Variants in RSPO2 observed in about 807,000 individuals in gnomAD.
RSPO2 encodes R-spondin-2.
In RSPO2, 14 loss-of-function variants were observed where a neutral mutation model predicts 30.9. That is an observed-to-expected ratio of 0.45 (90% CI 0.30 to 0.71). RSPO2 has a LOEUF of 0.71. Ranked by LOEUF, RSPO2 falls within the 30% of genes least tolerant of loss-of-function variation. The pLI is 0.08. For synonymous variants in RSPO2, 107 were observed against 96.4 expected (o/e 1.11, Z -0.64); for missense variants, 264 against 301.9 (o/e 0.87, Z 0.93).
At chr8:108,011,288 G>A (rs1810704564) in intron 2 of RSPO2, among the ~76,000 whole-genome samples, 1 of 151,944 alleles carries the variant, frequency 6.6e-6, no homozygotes, top group African/African-American at 2.4e-5. Context: ...CCATAGGTAT[G>A]GTCTTAGGAC....
intron 2 of RSPO2, among the ~76,000 whole-genome samples, chr8:108,009,549 A>C (rs1407347758): frequency 6.6e-6 from 1 of 152,222 alleles, no homozygotes; most frequent in African/African-American, 2.4e-5. Context: ...CATGTGATTA[A>C]ATAATATTTG....
chr8:107,951,649 T>C (rs1344993670), intron 5 of RSPO2, among the ~76,000 whole-genome samples: 3 of 152,098 alleles, frequency 2.0e-5, no homozygotes, highest in Non-Finnish European at 4.4e-5. Flanking sequence ...CCAGACTACA[T>C]TGAAATGGGG....
chr8:108,015,297 A>T (rs1463490208), intron 2 of RSPO2, among the ~76,000 whole-genome samples: 1 of 152,172 alleles, frequency 6.6e-6, no homozygotes, highest in Non-Finnish European at 1.5e-5. Flanking sequence ...AGGTTATGTA[A>T]ATGTCAATAG....
chr8:108,031,513 G>A (rs770460629), intron 2 of RSPO2, among the ~76,000 whole-genome samples: 4 of 152,078 alleles, frequency 2.6e-5, no homozygotes, highest in Admixed American at 6.6e-5. Context: ...AAAACTTTAC[G>A]TTTGCAAAAG....
chr8:107,943,758 A>C (rs1191647039), intron 5 of RSPO2, among the ~76,000 whole-genome samples: 1 of 152,248 alleles, frequency 6.6e-6, no homozygotes, highest in African/African-American at 2.4e-5. Flanking sequence ...AATGCAACAG[A>C]CACTTGACAT....
At chr8:107,912,497 G>A (rs919862972) in intron 5 of RSPO2, among the ~76,000 whole-genome samples, 1 of 152,138 alleles carries the variant, frequency 6.6e-6, no homozygotes, top group East Asian at 1.9e-4. Flanking sequence ...TTATCTTTAT[G>A]TTCTGGCCAA....
intron 2 of RSPO2, among the ~76,000 whole-genome samples, chr8:108,030,403 A>T (rs1232158966): frequency 6.6e-6 from 1 of 152,172 alleles, no homozygotes. Flanking sequence ...CCTGCCTGGT[A>T]TCTGTAATGT....
At chr8:107,923,704 G>A (rs1042782345) in intron 5 of RSPO2, among the ~76,000 whole-genome samples, 3 of 152,106 alleles carry the variant, frequency 2.0e-5, no homozygotes, top group Non-Finnish European at 2.9e-5. Flanking sequence ...TAAAGAAAAT[G>A]TAGTACATAT....
At chr8:107,975,046 A>G (rs1814162044) in intron 3 of RSPO2, among the ~76,000 whole-genome samples, 1 of 152,202 alleles carries the variant, frequency 6.6e-6, no homozygotes, top group African/African-American at 2.4e-5. Flanking sequence ...AAATAAAAGA[A>G]CCACCTGATT....
intron 3 of RSPO2, chr8:107,983,559 G>C: frequency 1.2e-6 from 2 of 1,600,804 alleles, no homozygotes; most frequent in Non-Finnish European, 1.7e-6. Context: ...TTCAGCAAAA[G>C]AGTGAGCCAG....
chr8:107,999,010 T>TA (rs1422372956), intron 2 of RSPO2, among the ~76,000 whole-genome samples: 2 of 152,152 alleles, frequency 1.3e-5, no homozygotes, highest in Non-Finnish European at 2.9e-5. Flanking sequence ...TGCGCCACTG[T>TA]ACTCCAGTCA....
intron 5 of RSPO2, among the ~76,000 whole-genome samples, chr8:107,953,268 C>G (rs1375837379): frequency 6.6e-6 from 1 of 152,168 alleles, no homozygotes; most frequent in African/African-American, 2.4e-5. Flanking sequence ...CCACACAAGG[C>G]AGTCTCCTCT....
At chr8:107,938,105 T>G (rs755594533) in intron 5 of RSPO2, among the ~76,000 whole-genome samples, 6 of 152,150 alleles carry the variant, frequency 3.9e-5, no homozygotes, top group Non-Finnish European at 7.4e-5. Context: ...GGATAAAACA[T>G]TCTACAAAAT....
At chr8:107,902,010 G>C (rs1811489123) in intron 5 of RSPO2, among the ~76,000 whole-genome samples, 1 of 151,992 alleles carries the variant, frequency 6.6e-6, no homozygotes, top group African/African-American at 2.4e-5. Context: ...CTCCATCTGT[G>C]GTTATAGTTT....
chr8:107,942,336 T>C (rs559667341), intron 5 of RSPO2, among the ~76,000 whole-genome samples: 15 of 152,342 alleles, frequency 9.8e-5, no homozygotes, highest in Non-Finnish European at 1.8e-4. Flanking sequence ...AAAAACCATT[T>C]GCAGTGCTAT....
At chr8:108,069,155 T>C (rs972275532) in intron 2 of RSPO2, among the ~76,000 whole-genome samples, 2 of 152,092 alleles carry the variant, frequency 1.3e-5, no homozygotes, top group African/African-American at 4.8e-5. Flanking sequence ...GAGAAAACCT[T>C]GTGTCCGACA....
rs554270296 is a variant in RSPO2, at chr8:107,946,707, C to G, written c.616+11373G>C. On this transcript the variant is annotated intron_variant, in intron 5 of 5. Transcript: ENST00000276659. ...ACAACTCACCTGTTTGTATGCATGT[C>G]CCTTTACTACTCTCAACAATCTTAT... Among the ~76,000 whole-genome samples, 4 of 152,318 alleles carry G rather than the reference C, an allele frequency of 2.6e-5. No individual in the cohort carries two copies. In the South Asian group the frequency reaches 6.2e-4, roughly 24 times the overall value.
chr8:107,961,666 C>A (rs1813631239), intron 3 of RSPO2, among the ~76,000 whole-genome samples: 1 of 152,138 alleles, frequency 6.6e-6, no homozygotes, highest in African/African-American at 2.4e-5. Flanking sequence ...AACTATATGC[C>A]TCTCTGAGCC....
At chr8:107,984,768 A>T (rs1459425205) in intron 3 of RSPO2, among the ~76,000 whole-genome samples, 3 of 152,122 alleles carry the variant, frequency 2.0e-5, no homozygotes, top group Non-Finnish European at 4.4e-5. Context: ...TTATGTTTTT[A>T]AAAAAATAGT....
Sources: gnomAD v4.1 joint callset for allele counts (sites outside exome capture counted in the v4.1 genomes callset) on GRCh38, gnomAD v4.1.1 for gene constraint, MANE v1.5 for transcripts, NCBI Gene and HGNC (gene_info 2026-07-23, HGNC 2026-07-21) for gene names.